The following SELPLG variants were observed in gnomAD, a reference collection of about 807,000 sequenced individuals.
SELPLG encodes selectin P ligand.
SELPLG carries 2 observed loss-of-function variants against 1.1 expected under a neutral mutation model. That is an observed-to-expected ratio of 1.82 (90% confidence interval 0.74 to 5.71). SELPLG has a LOEUF of 5.71. SELPLG is among the 30% of genes most tolerant of loss of function. The probability of loss-of-function intolerance (pLI) is 0.05; values close to 1 mark genes in which losing one functional copy is unlikely to be tolerated. For synonymous variants in SELPLG, 230 were observed against 221.2 expected, an observed-to-expected ratio of 1.04 and a Z score of -0.35; for missense variants, 478 against 524.7, an observed-to-expected ratio of 0.91 and a Z score of 0.87.
chr12:108,630,320 T>C (rs2136769526), intron 1 of SELPLG, among the ~76,000 whole-genome samples: 1 of 152,352 alleles, frequency 6.6e-6, no homozygotes, highest in Admixed American at 6.5e-5. Context: ...ACCCGCCGTG[T>C]GGCCGCCCTG....
At chr12:108,630,154 A>G (rs186656188) in intron 1 of SELPLG, among the ~76,000 whole-genome samples, 18 of 152,286 alleles carry the variant, frequency 1.2e-4, no homozygotes, top group Admixed American at 2.6e-4. Context: ...TTGTCTCAAC[A>G]CTTGCCTAAC....
intron 1 of SELPLG, among the ~76,000 whole-genome samples, chr12:108,631,656 T>C (rs8179115): frequency 0.8 from 121,735 of 152,000 alleles, 48,982 homozygotes; most frequent in East Asian, 1. Flanking sequence ...CCCCCCTCCC[T>C]ACCCTCCACC....
At chr12:108,624,521 G>A (rs1294027585) in intron 1 of SELPLG, among the ~76,000 whole-genome samples, 1 of 152,108 alleles carries the variant, frequency 6.6e-6, no homozygotes, top group Non-Finnish European at 1.5e-5. Context: ...CATGAATAAA[G>A]CCATCCAGGA....
intron 1 of SELPLG, among the ~76,000 whole-genome samples, chr12:108,631,687 C>T (rs1314814115): frequency 6.6e-6 from 1 of 152,062 alleles, no homozygotes; most frequent in Admixed American, 6.5e-5. Context: ...CCAAGTTACA[C>T]CTGTTGGAAC....
At position 108,622,996 on chromosome 12, in the gene SELPLG, G is replaced by C. The variant is rs2031848494; in HGVS notation, c.*73C>G. The C allele has an allele frequency of 1.3e-5, 18 of 1,400,912 alleles. No homozygotes were observed. The South Asian group carries it at 2.7e-4, about 21-fold the overall frequency. The allele number at this position is 1,400,912 out of a possible 1,614,324, so 86.8% of individuals were successfully genotyped here. A position where few individuals can be genotyped will look rare whatever the true frequency, so the allele number is the denominator to read the frequency against. On this transcript the variant is annotated 3_prime_UTR_variant, in exon 2 of 2. Transcript: ENST00000550948. ...GAGGAAGCCCAGAGCTGTGGAATGG[G>C]GTCTGGGCACTCAGGGGTGGCCCAG...
chr12:108,631,840 A>G, intron 1 of SELPLG: 1 of 1,492,740 alleles, frequency 6.7e-7, no homozygotes, highest in Non-Finnish European at 9.0e-7. Context: ...ACAAACACAG[A>G]CCCCCAACAC....
intron 1 of SELPLG, among the ~76,000 whole-genome samples, chr12:108,631,068 C>A (rs1346899907): frequency 1.3e-5 from 2 of 152,156 alleles, no homozygotes; most frequent in Non-Finnish European, 2.9e-5. Context: ...TCACTAAATG[C>A]CTCTGCAGAA....
intron 1 of SELPLG, among the ~76,000 whole-genome samples, chr12:108,625,817 T>G (rs1439250555): frequency 6.6e-6 from 1 of 152,236 alleles, no homozygotes; most frequent in East Asian, 1.9e-4. Flanking sequence ...AAAAATTCTA[T>G]GCTGAGAATC....
Position 108,622,963 on chromosome 12 carries a change from G to A in SELPLG, c.*106C>T, listed in dbSNP as rs2031848023. Reference sequence around the variant, plus strand: ...CTTCCCTGAAGATCCCCATCCCCAGGGGTCTCCGAGGAAGCCCAGAGCTGT... The same window carrying A: ...CTTCCCTGAAGATCCCCATCCCCAGAGGTCTCCGAGGAAGCCCAGAGCTGT... On this transcript the variant is annotated 3_prime_UTR_variant, in exon 2 of 2. Coordinates refer to ENST00000550948, the MANE Select transcript of SELPLG (RefSeq NM_003006.4). 2 of 1,206,186 alleles carry A rather than the reference G, an allele frequency of 1.7e-6. No individual in the cohort carries two copies. Among genetic ancestry groups the A allele is most frequent in the East Asian group, 5.2e-5 (2 of 38,364 alleles). The allele number at this position is 1,206,186 out of a possible 1,614,324, so 74.7% of individuals were successfully genotyped here.
At position 108,622,098 on chromosome 12, in the gene SELPLG, T is replaced by C. The variant is rs2031833075; in HGVS notation, c.*971A>G. The stretch of plus-strand genomic sequence containing the variant: ...TCACCCAAGGATGTACAAGACCCCC[T>C]GTTGTCCAAGAGGCAAAACTGAAGT... On this transcript the variant is annotated 3_prime_UTR_variant, in exon 2 of 2. Transcript: ENST00000550948. 6.6e-6 allele frequency among the ~76,000 whole-genome samples: 1 copy of C among 152,136 alleles called. No individual in the cohort carries two copies. Among genetic ancestry groups the C allele is most frequent in the Non-Finnish European group, 1.5e-5 (1 of 68,008 alleles).
rs1004314792 is a variant in SELPLG at position 108,632,602 on chromosome 12, C to A, written c.-6+1138G>T. On this transcript the variant is annotated intron_variant, in intron 1 of 1. Transcript: ENST00000550948. ...CAATCTCGGCTTACTGCGACCTCCC[C>A]CTCCCAGGTTCAAGTGATCCTCCCA... Among the ~76,000 whole-genome samples, 20 of 152,084 alleles carry A rather than the reference C, an allele frequency of 1.3e-4. No homozygotes were observed. The East Asian group carries it at 3.1e-3, about 24-fold the overall frequency.
chr12:108,630,047 T>C (rs2032017326), intron 1 of SELPLG, among the ~76,000 whole-genome samples: 1 of 152,048 alleles, frequency 6.6e-6, no homozygotes, highest in Admixed American at 6.5e-5. Flanking sequence ...GGCCCCACCT[T>C]CCACCTCTCC....
intron 1 of SELPLG, among the ~76,000 whole-genome samples, chr12:108,630,816 G>A (rs1402072268): frequency 6.6e-6 from 1 of 152,220 alleles, no homozygotes; most frequent in South Asian, 2.1e-4. Flanking sequence ...CATTTCTGCT[G>A]TTCATTTATT....
In SELPLG at chr12:108,624,206, G is replaced by T. The variant is rs1473131553; in HGVS notation, c.102C>A (p.Pro34=). 2 of 1,614,182 alleles carry T rather than the reference G, an allele frequency of 1.2e-6. No homozygotes were observed. The highest frequency in any genetic ancestry group is 1.7e-6 in the Non-Finnish European group (2 of 1,180,034). The change falls in exon 2 of 2, where the codon CCC becomes CCA. Residue 34 remains proline (P), a synonymous_variant. Transcript: ENST00000550948. ...WADEAEKALG[P]LLARDRRQAT... ...CCTGTCTCCGGTCCCGGGCAAGCAG[G>T]GGACCCAAGGCTTTCTCGGCTTCAT...
chr12:108,632,059 T>G, intron 1 of SELPLG: 1 of 763,766 alleles, frequency 1.3e-6, no homozygotes, highest in Non-Finnish European at 2.1e-6. Flanking sequence ...CTGTCCACCC[T>G]CCAAGGTTCT....
chr12:108,627,141 G>T (rs777089984), intron 1 of SELPLG, among the ~76,000 whole-genome samples: 1 of 152,142 alleles, frequency 6.6e-6, no homozygotes, highest in East Asian at 1.9e-4. Context: ...CAAACTTTAC[G>T]ATATTTGCAC....
chr12:108,622,671 T>G lies in SELPLG; in HGVS notation c.*398A>C. 1.0e-5 allele frequency: 2 copies of G among 192,806 alleles called. No homozygotes were observed. Among genetic ancestry groups the G allele is most frequent in the Non-Finnish European group, 1.1e-5 (1 of 93,820 alleles). The allele number at this position is 192,806 out of a possible 1,614,324, so 11.9% of individuals were successfully genotyped here. ...CAATGGCAGTGCAGTGCGTGTGGGA[T>G]GGGGGAGCTCCATCTTCCTTGGGTA... is the stretch of plus-strand genomic sequence containing the variant. On this transcript the variant is annotated 3_prime_UTR_variant, in exon 2 of 2. Coordinates refer to ENST00000550948, the MANE Select transcript of SELPLG (RefSeq NM_003006.4).
chr12:108,623,043 C>A lies in SELPLG; in HGVS notation c.*26G>T. ...CCAGGAGAGCCCGTGGAGGTGGGGT[C>A]TTGCCAAAACAGATGGCAGAGTGAG... On this transcript the variant is annotated 3_prime_UTR_variant, in exon 2 of 2. Transcript: ENST00000550948. 1 of 1,465,496 alleles carries A rather than the reference C, an allele frequency of 6.8e-7. No individual in the cohort carries two copies. The highest frequency in any genetic ancestry group is 1.4e-5 in the South Asian group (1 of 69,460). The allele number at this position is 1,465,496 out of a possible 1,614,324, so 90.8% of individuals were successfully genotyped here.
In SELPLG at chr12:108,622,601, C is replaced by T. The variant is rs1458841686; in HGVS notation, c.*468G>A. The stretch of plus-strand genomic sequence containing the variant: ...GTCCGTCACTCTTCAGTACTCCTCC[C>T]TTAGAATGTCCACTTCCTGTTTGGT... On this transcript the variant is annotated 3_prime_UTR_variant, in exon 2 of 2. Transcript: ENST00000550948. 1 of 158,860 alleles carries T rather than the reference C, an allele frequency of 6.3e-6. No individual in the cohort carries two copies. The highest frequency in any genetic ancestry group is 2.4e-5 in the African/African-American group (1 of 41,560). The allele number at this position is 158,860 out of a possible 1,614,324, so 9.8% of individuals were successfully genotyped here.
Sources: allele counts gnomAD v4.1 joint callset (sites outside exome capture counted in the v4.1 genomes callset), GRCh38; gene constraint gnomAD v4.1.1; transcripts MANE v1.5; gene names NCBI Gene and HGNC (gene_info 2026-07-23, HGNC 2026-07-21).